Variants in RERE observed in about 807,000 individuals in gnomAD.
RERE encodes the protein arginine-glutamic acid dipeptide repeats.
Under a neutral mutation model 146.1 loss-of-function variants are expected in RERE, and 40 were observed. That is an observed-to-expected ratio of 0.27 (90% CI 0.21 to 0.36). The LOEUF (loss-of-function observed/expected upper bound fraction) is 0.36. Among genes scored for constraint, RERE ranks in the 10% least tolerant of loss-of-function variants. RERE has a pLI of 1.00. For synonymous variants in RERE, 1,003 were observed against 866.0 expected, an observed-to-expected ratio of 1.16 and a Z score of -2.78; for missense variants, 1,933 against 2,138.7, an observed-to-expected ratio of 0.90 and a Z score of 1.90.
chr1:8,355,993 C>T, intron 21 of RERE, 107 bp downstream of exon 21: 1 of 1,269,504 alleles, frequency 7.9e-7, no homozygotes, highest in Non-Finnish European at 1.1e-6. Context: ...GCGAACCCAC[C>T]TGCTCAATGC....
At chr1:8,357,707 G>A (rs1222639094) in intron 20 of RERE, among the ~76,000 whole-genome samples, 1 of 152,246 alleles carries the variant, frequency 6.6e-6, no homozygotes, top group Non-Finnish European at 1.5e-5. Flanking sequence ...GGACAGGACT[G>A]AGCAGCCCTG....
intron 4 of RERE, among the ~76,000 whole-genome samples, chr1:8,572,008 C>T (rs112785882): frequency 7.6e-4 from 115 of 152,302 alleles, no homozygotes; most frequent in African/African-American, 2.6e-3. Context: ...CAACAACATA[C>T]GGAAATGTTC....
intron 11 of RERE, among the ~76,000 whole-genome samples, chr1:8,446,883 G>C (rs1199941590): frequency 1.3e-5 from 2 of 151,590 alleles, no homozygotes; most frequent in Middle Eastern, 6.3e-3. Context: ...GTTTCACCAT[G>C]TTAGGCAGGA....
chr1:8,366,654 C>T (rs750134944), intron 12 of RERE, among the ~76,000 whole-genome samples: 26 of 152,210 alleles, frequency 1.7e-4, no homozygotes, highest in Non-Finnish European at 3.7e-4. Context: ...AGAAAGACTA[C>T]AAGAGGACAG....
chr1:8,750,117 C>T (rs1311412541), intron 1 of RERE, among the ~76,000 whole-genome samples: 1 of 141,100 alleles, frequency 7.1e-6, no homozygotes, highest in African/African-American at 2.6e-5. Context: ...TGCCACTGTA[C>T]TCCAGCCTGG....
chr1:8,711,365 T>C (rs1313724982), intron 1 of RERE, among the ~76,000 whole-genome samples: 1 of 152,058 alleles, frequency 6.6e-6, no homozygotes, highest in Non-Finnish European at 1.5e-5. Flanking sequence ...GAGGTTTTAG[T>C]TTTTGGAAGT....
intron 8 of RERE, among the ~76,000 whole-genome samples, chr1:8,499,957 G>GA (rs1645107666): frequency 6.6e-6 from 1 of 151,934 alleles, no homozygotes; most frequent in Non-Finnish European, 1.5e-5. Context: ...CTGTCTCTAC[G>GA]AAAAATACAA....
intron 12 of RERE, among the ~76,000 whole-genome samples, chr1:8,419,160 A>G (rs1643855478): frequency 6.6e-6 from 1 of 152,112 alleles, no homozygotes; most frequent in African/African-American, 2.4e-5. Flanking sequence ...AGTATAATAA[A>G]CTACAGGATA....
chr1:8,649,164 C>T (rs1647471695), intron 2 of RERE, among the ~76,000 whole-genome samples: 2 of 152,144 alleles, frequency 1.3e-5, no homozygotes, highest in African/African-American at 4.8e-5. Flanking sequence ...CTGCACACAG[C>T]TGTGTAATAA....
At chr1:8,404,523 G>A (rs1305391643) in intron 12 of RERE, among the ~76,000 whole-genome samples, 1 of 152,162 alleles carries the variant, frequency 6.6e-6, no homozygotes, top group Non-Finnish European at 1.5e-5. Context: ...CTCCCAAAGT[G>A]CTGAGACTAC....
chr1:8,487,092 T>G (rs531214283), intron 10 of RERE, among the ~76,000 whole-genome samples: 19 of 152,152 alleles, frequency 1.2e-4, no homozygotes, highest in Non-Finnish European at 2.2e-4. Flanking sequence ...CCAAGCAGGA[T>G]TCATCCTAGG....
chr1:8,469,448 C>T (rs958725619), intron 10 of RERE, among the ~76,000 whole-genome samples: 6 of 151,962 alleles, frequency 3.9e-5, no homozygotes, highest in African/African-American at 1.5e-4. Flanking sequence ...GAAACCGCAT[C>T]CCTACTAAAA....
Position 8,360,155 on chromosome 1 carries a change from G to A in RERE, c.3352C>T (p.Pro1118Ser). 1 of 1,597,418 alleles carries A rather than the reference G, an allele frequency of 6.3e-7. No individual in the cohort carries two copies. The highest frequency in any genetic ancestry group is 8.5e-7 in the Non-Finnish European group (1 of 1,172,114). Reference sequence around the variant, plus strand: ...TGACTGGGGGTGTCCACCACAGTGGGCTCCGGGGACGGGCTCCTTGGTGGG... The same window carrying A: ...TGACTGGGGGTGTCCACCACAGTGGACTCCGGGGACGGGCTCCTTGGTGGG... ...PPPPRSPSPE[P>S]TVVDTPSHAS... is the part of the protein sequence containing the mutation. The change falls in exon 18 of 23, where the codon CCC becomes TCC. Residue 1118 changes from proline (P) to serine (S), a missense_variant. Pro to Ser is a moderately conservative substitution (Grantham distance 74, BLOSUM62 -1). Coordinates refer to ENST00000400908, the MANE Select transcript of RERE (RefSeq NM_001042681.2).
Position 8,353,220 on chromosome 1 carries a change from AAAATG to A in RERE, c.*1862_*1866del. 6.6e-6 allele frequency: 1 copy of A among 152,600 alleles called. No individual in the cohort carries two copies. Among genetic ancestry groups the A allele is most frequent in the Non-Finnish European group, 1.5e-5 (1 of 68,044 alleles). 9.5% of individuals were successfully genotyped at this position (152,600 alleles called of 1,614,324 possible). A position where few individuals can be genotyped will look rare whatever the true frequency, so the allele number is the denominator to read the frequency against. On this transcript the variant is annotated 3_prime_UTR_variant, in exon 23 of 23. Transcript: ENST00000400908. ...GTTAAGGCAGAAATGGAATGAGAGAAAAATGAAAGAAAAAAAACTAGAAACATTTT... is the reference window on the plus strand; with the variant it reads ...GTTAAGGCAGAAATGGAATGAGAGAAAAAGAAAAAAAACTAGAAACATTTT...
intron 1 of RERE, among the ~76,000 whole-genome samples, chr1:8,747,645 G>A (rs1286877879): frequency 1.3e-5 from 2 of 151,774 alleles, no homozygotes; most frequent in Non-Finnish European, 2.9e-5. Flanking sequence ...ATATGCAAAC[G>A]GTGAACTGGA....
At chr1:8,778,892 G>T (rs1421203503) in intron 1 of RERE, among the ~76,000 whole-genome samples, 7 of 151,968 alleles carry the variant, frequency 4.6e-5, no homozygotes, top group Admixed American at 4.6e-4. Flanking sequence ...CTGTCACCCA[G>T]GCTAGATTGC....
chr1:8,410,792 C>T (rs1643593926), intron 12 of RERE, among the ~76,000 whole-genome samples: 1 of 152,204 alleles, frequency 6.6e-6, no homozygotes, highest in Non-Finnish European at 1.5e-5. Context: ...TATTTAATAT[C>T]CACACTACAT....
In RERE at chr1:8,361,030, AGCGGGGGAT is replaced by A. The variant is rs1557587058; in HGVS notation, c.2468_2476del (p.His823_Pro825del). 13 of 1,430,658 alleles carry A rather than the reference AGCGGGGGAT, an allele frequency of 9.1e-6. No individual in the cohort carries two copies. Among genetic ancestry groups the A allele is most frequent in the Admixed American group, 2.9e-5 (1 of 34,016 alleles). The allele number at this position is 1,430,658 out of a possible 1,614,324, so 88.6% of individuals were successfully genotyped here. ...GCCCGCCGACCCAGTCAGAGGCTGC[AGCGGGGGAT>A]GTGGCGAGGGATGCGGCGGGGGATG... On this transcript the variant is annotated inframe_deletion, in exon 18 of 23. Coordinates refer to ENST00000400908, the MANE Select transcript of RERE (RefSeq NM_001042681.2).
At chr1:8,415,474 T>G (rs1408134116) in intron 12 of RERE, among the ~76,000 whole-genome samples, 1 of 152,254 alleles carries the variant, frequency 6.6e-6, no homozygotes, top group African/African-American at 2.4e-5. Flanking sequence ...GAGTGCAGTT[T>G]CTATAAGTAA....
Sources: allele counts gnomAD v4.1 joint callset (sites outside exome capture counted in the v4.1 genomes callset), GRCh38; gene constraint gnomAD v4.1.1; transcripts MANE v1.5; gene names NCBI Gene and HGNC (gene_info 2026-07-23, HGNC 2026-07-21).